XNDC1N: variants seen among roughly 807,000 people sequenced by gnomAD.
XNDC1N encodes XRCC1 N-terminal domain containing 1, N-terminal like.
At chr11:71,870,771 A>T in the XNDC1N span, among the ~76,000 whole-genome samples, 1 of 152,326 alleles carries the variant, frequency 6.6e-6, no homozygotes, top group African/African-American at 2.4e-5. Context: ...ACCAATAAAC[A>T]TATGAAAAAG....
the XNDC1N span, among the ~76,000 whole-genome samples, chr11:71,889,446 C>G: frequency 6.6e-6 from 1 of 152,318 alleles, no homozygotes; most frequent in South Asian, 2.1e-4. Context: ...AGCACCTGAT[C>G]TGGGACCTAC....
chr11:71,903,187 C>A, the XNDC1N span: 3 of 718,050 alleles, frequency 4.2e-6, no homozygotes, highest in South Asian at 2.9e-5. Context: ...TGTATCCAAA[C>A]GATACAGACC....
the XNDC1N span, among the ~76,000 whole-genome samples, chr11:71,867,157 C>G: frequency 7.0e-6 from 1 of 142,894 alleles, no homozygotes; most frequent in South Asian, 2.1e-4. Flanking sequence ...AATAACACAA[C>G]AGTTTAATAA....
At chr11:71,891,875 A>C in the XNDC1N span, among the ~76,000 whole-genome samples, 3 of 151,966 alleles carry the variant, frequency 2.0e-5, no homozygotes, top group African/African-American at 7.3e-5. Flanking sequence ...ACAATATCAC[A>C]GGGGGTGTTT....
chr11:71,921,695 G>A, the XNDC1N span, among the ~76,000 whole-genome samples: 11 of 152,060 alleles, frequency 7.2e-5, no homozygotes, highest in East Asian at 3.9e-4. Flanking sequence ...GTGTGTGCAC[G>A]CGTGCATGTT....
At chr11:71,878,962 T>C in the XNDC1N span, among the ~76,000 whole-genome samples, 1 of 152,132 alleles carries the variant, frequency 6.6e-6, no homozygotes, top group Non-Finnish European at 1.5e-5. Flanking sequence ...TTCATGCCAC[T>C]GCACACCAGC....
chr11:71,908,840 C>T, the XNDC1N span, among the ~76,000 whole-genome samples: 16 of 152,292 alleles, frequency 1.1e-4, no homozygotes, highest in African/African-American at 3.1e-4. Flanking sequence ...ATTATCAAAA[C>T]GCCCAAGAGT....
At chr11:71,881,482 C>G in the XNDC1N span, among the ~76,000 whole-genome samples, 1 of 152,260 alleles carries the variant, frequency 6.6e-6, no homozygotes, top group Admixed American at 6.5e-5. Flanking sequence ...TGAGGCCTGT[C>G]TTGGCTTGCA....
chr11:71,887,016 A>T, the XNDC1N span, among the ~76,000 whole-genome samples: 2 of 152,194 alleles, frequency 1.3e-5, no homozygotes, highest in African/African-American at 4.8e-5. Context: ...AAGGTGACTC[A>T]GAGCAGGAGG....
At chr11:71,872,281 A>C in the XNDC1N span, among the ~76,000 whole-genome samples, 1 of 152,208 alleles carries the variant, frequency 6.6e-6, no homozygotes. Context: ...GTTAAGCCTC[A>C]TCCCACAGAA....
At chr11:71,917,453 C>T in the XNDC1N span, 3 of 651,032 alleles carry the variant, frequency 4.6e-6, no homozygotes, top group Non-Finnish European at 8.4e-6. Flanking sequence ...ATCTCACACA[C>T]AAGCACACCA....
At chr11:71,903,958 G>A in the XNDC1N span, 66 of 494,922 alleles carry the variant, frequency 1.3e-4, no homozygotes, top group East Asian at 2.1e-3. Flanking sequence ...TGGAACAGGC[G>A]TTGGAGGGTA....
chr11:71,928,065 G>T, the XNDC1N span: 1 of 190,080 alleles, frequency 5.3e-6, no homozygotes, highest in African/African-American at 2.4e-5. Flanking sequence ...GAAGGTATAC[G>T]TAGGGGTGGG....
chr11:71,913,795 G>A, the XNDC1N span, among the ~76,000 whole-genome samples: 2 of 152,104 alleles, frequency 1.3e-5, no homozygotes, highest in Non-Finnish European at 2.9e-5. Context: ...AATGCAGCTG[G>A]TGACTTTAAG....
At chr11:71,871,590 T>C in the XNDC1N span, among the ~76,000 whole-genome samples, 59 of 152,344 alleles carry the variant, frequency 3.9e-4, 1 homozygote, top group African/African-American at 1.4e-3. Context: ...GATCTAATTA[T>C]TCCACATTGA....
chr11:71,871,894 C>T, the XNDC1N span, among the ~76,000 whole-genome samples: 3 of 152,008 alleles, frequency 2.0e-5, no homozygotes, highest in Non-Finnish European at 2.9e-5. Context: ...TAAATGAGGG[C>T]CCTTTACAAT....
At chr11:71,870,850 T>C in the XNDC1N span, among the ~76,000 whole-genome samples, 3 of 152,176 alleles carry the variant, frequency 2.0e-5, no homozygotes, top group Non-Finnish European at 4.4e-5. Context: ...TCACACCTGC[T>C]AGAATGGCTA....
At chr11:71,928,224 A>G in the XNDC1N span, 1 of 538,718 alleles carries the variant, frequency 1.9e-6, no homozygotes, top group African/African-American at 1.9e-5. Context: ...AAGGCTCTTC[A>G]GCTCTCAGTT....
At chr11:71,911,720 A>G in the XNDC1N span, among the ~76,000 whole-genome samples, 138 of 152,280 alleles carry the variant, frequency 9.1e-4, no homozygotes, top group African/African-American at 3.2e-3. Flanking sequence ...GGCACAAAAT[A>G]TCAACAGGAA....
Sources: allele counts gnomAD v4.1 joint callset (sites outside exome capture counted in the v4.1 genomes callset), GRCh38; gene constraint gnomAD v4.1.1; transcripts MANE v1.5; gene names NCBI Gene and HGNC (gene_info 2026-07-23, HGNC 2026-07-21).